The following ZNF804B variants were observed in gnomAD, a reference collection of about 807,000 sequenced individuals.
ZNF804B encodes zinc finger 804B.
ZNF804B carries 80 observed loss-of-function variants against 101.4 expected under a neutral mutation model. The observed-to-expected ratio is 0.79, with a 90% CI of 0.66 to 0.95. The LOEUF (loss-of-function observed/expected upper bound fraction) is 0.95. Ranked by LOEUF, ZNF804B falls within the 40% of genes least tolerant of loss-of-function variation. The pLI, the probability that ZNF804B is intolerant of heterozygous loss-of-function variation, is 0.00. For synonymous variants in ZNF804B, 622 were observed against 558.8 expected, an observed-to-expected ratio of 1.11 and a Z score of -1.59; for missense variants, 1,673 against 1,561.9, an observed-to-expected ratio of 1.07 and a Z score of -1.20.
At chr7:89,217,416 T>G (rs2373871) in intron 1 of ZNF804B, among the ~76,000 whole-genome samples, 108,669 of 152,022 alleles carry the variant, frequency 0.71, 39,555 homozygotes, top group African/African-American at 0.78. Context: ...TAATGCAGAC[T>G]AAAATAGAAC....
intron 1 of ZNF804B, chr7:88,794,153 A>C: frequency 2.6e-6 from 4 of 1,553,238 alleles, no homozygotes; most frequent in Non-Finnish European, 3.5e-6. Flanking sequence ...ACTCCTTAAG[A>C]GACATGGGCA....
intron 2 of ZNF804B, among the ~76,000 whole-genome samples, chr7:89,264,709 T>A (rs2115822032): frequency 6.6e-6 from 1 of 152,332 alleles, no homozygotes; most frequent in South Asian, 2.1e-4. Flanking sequence ...TTCATACTCA[T>A]GATTTTATCT....
At chr7:89,179,223 C>T (rs1380256499) in intron 1 of ZNF804B, among the ~76,000 whole-genome samples, 1 of 152,110 alleles carries the variant, frequency 6.6e-6, no homozygotes, top group Admixed American at 6.5e-5. Flanking sequence ...GAGAAGTTCT[C>T]TGTTATTATC....
intron 2 of ZNF804B, among the ~76,000 whole-genome samples, chr7:89,257,179 A>C (rs1789644497): frequency 6.6e-6 from 1 of 152,092 alleles, no homozygotes; most frequent in African/African-American, 2.4e-5. Context: ...TATAGGATGG[A>C]GTTTCTCCTG....
intron 2 of ZNF804B, among the ~76,000 whole-genome samples, chr7:89,311,406 T>G (rs1490271386): frequency 6.6e-6 from 1 of 152,210 alleles, no homozygotes; most frequent in Non-Finnish European, 1.5e-5. Context: ...TTTTCTGTTC[T>G]GGAATCTTTC....
chr7:88,866,553 C>CAAACA (rs943545660), intron 1 of ZNF804B, among the ~76,000 whole-genome samples: 8 of 152,116 alleles, frequency 5.3e-5, no homozygotes, highest in East Asian at 3.9e-4. Context: ...CATTAAAAAA[C>CAAACA]AAACAAAACA....
rs1182649661 is a variant in ZNF804B at position 89,170,716 on chromosome 7, A to C, written c.109-47439A>C. On this transcript the variant is annotated intron_variant, in intron 1 of 3. Coordinates refer to ENST00000333190, the MANE Select transcript of ZNF804B (RefSeq NM_181646.5). The stretch of plus-strand genomic sequence containing the variant: ...CCTTGGTGGTAGGTTTGTAAAGAAA[A>C]AGTCACATAATCCCCATTATATTGT... Among the ~76,000 whole-genome samples, 3 of 152,270 alleles carry C rather than the reference A, an allele frequency of 2.0e-5. No individual in the cohort carries two copies. The East Asian group carries it at 5.8e-4, about 29-fold the overall frequency.
At chr7:88,941,279 A>T (rs12667870) in intron 1 of ZNF804B, among the ~76,000 whole-genome samples, 113,303 of 151,848 alleles carry the variant, frequency 0.75, 42,476 homozygotes, top group South Asian at 0.84. Context: ...CCCAGAGGAG[A>T]TGAAAACATA....
At chr7:89,290,171 C>T (rs1265222701) in intron 2 of ZNF804B, among the ~76,000 whole-genome samples, 1 of 152,050 alleles carries the variant, frequency 6.6e-6, no homozygotes, top group African/African-American at 2.4e-5. Flanking sequence ...TCTATCACTT[C>T]CTAACTAAAG....
chr7:89,233,343 C>T (rs1357185149), intron 2 of ZNF804B, among the ~76,000 whole-genome samples: 1 of 152,086 alleles, frequency 6.6e-6, no homozygotes, highest in Non-Finnish European at 1.5e-5. Flanking sequence ...AAAATTGTGC[C>T]AGAGCACACA....
intron 1 of ZNF804B, among the ~76,000 whole-genome samples, chr7:88,887,750 TA>T (rs34976274): frequency 0.25 from 37,076 of 146,702 alleles, 5,042 homozygotes; most frequent in East Asian, 0.44. Flanking sequence ...GAGTTCATTG[TA>T]AAAAAAAAAA....
chr7:88,975,725 C>G (rs1050478907), intron 1 of ZNF804B, among the ~76,000 whole-genome samples: 1 of 151,448 alleles, frequency 6.6e-6, no homozygotes, highest in Non-Finnish European at 1.5e-5. Flanking sequence ...TGTGGGTTGT[C>G]TCTTCATTTT....
intron 1 of ZNF804B, among the ~76,000 whole-genome samples, chr7:89,013,910 A>G (rs1788500788): frequency 1.3e-5 from 2 of 152,204 alleles, no homozygotes. Flanking sequence ...TAACAACCGC[A>G]GGGTCATTTA....
chr7:88,837,310 T>C (rs913015805), intron 1 of ZNF804B, among the ~76,000 whole-genome samples: 1 of 151,988 alleles, frequency 6.6e-6, no homozygotes, highest in Non-Finnish European at 1.5e-5. Context: ...AGTGATAAAA[T>C]TGAAGCTGTC....
intron 2 of ZNF804B, among the ~76,000 whole-genome samples, chr7:89,313,862 T>C (rs1315383806): frequency 6.6e-6 from 1 of 152,196 alleles, no homozygotes; most frequent in Middle Eastern, 3.2e-3. Context: ...TTGTTTTTGA[T>C]CTGGGTAGAG....
At chr7:88,988,643 A>G (rs1210012322) in intron 1 of ZNF804B, among the ~76,000 whole-genome samples, 3 of 152,160 alleles carry the variant, frequency 2.0e-5, no homozygotes, top group Non-Finnish European at 4.4e-5. Flanking sequence ...AGTACTCTTG[A>G]AAAACAACAA....
At chr7:88,843,831 T>G (rs1009639073) in intron 1 of ZNF804B, among the ~76,000 whole-genome samples, 5 of 152,190 alleles carry the variant, frequency 3.3e-5, no homozygotes, top group Non-Finnish European at 5.9e-5. Flanking sequence ...ATTGTAATAT[T>G]TTAAGCTAAT....
At chr7:89,151,870 GTCTGAGGGTCACAT>G in intron 1 of ZNF804B, among the ~76,000 whole-genome samples, 1 of 151,998 alleles carries the variant, frequency 6.6e-6, no homozygotes, top group Non-Finnish European at 1.5e-5. Flanking sequence ...AGGAACTACT[GTCTGAGGGTCACAT>G]GATAAGATAC....
chr7:88,803,490 C>T (rs1790639900), intron 1 of ZNF804B, among the ~76,000 whole-genome samples: 1 of 152,112 alleles, frequency 6.6e-6, no homozygotes, highest in Admixed American at 6.6e-5. Context: ...ACAGTCTGAA[C>T]TAAAGCAGTT....
Sources: allele counts gnomAD v4.1 joint callset (sites outside exome capture counted in the v4.1 genomes callset), GRCh38; gene constraint gnomAD v4.1.1; transcripts MANE v1.5; gene names NCBI Gene and HGNC (gene_info 2026-07-23, HGNC 2026-07-21).